The following OR2C1 variants were observed in gnomAD, a reference collection of about 807,000 sequenced individuals.
The protein encoded by OR2C1 is olfactory receptor 2C1.
For synonymous variants in OR2C1, 209 were observed against 167.3 expected (o/e 1.25, Z -1.92); for missense variants, 468 against 388.3 (o/e 1.21, Z -1.73).
chr16:3,327,130 A>T, the OR2C1 span, among the ~76,000 whole-genome samples: 3 of 152,160 alleles, frequency 2.0e-5, no homozygotes, highest in Non-Finnish European at 1.5e-5. Flanking sequence ...TTTCTTATGG[A>T]AGTTATCAAA....
At chr16:3,328,437 G>A in the OR2C1 span, among the ~76,000 whole-genome samples, 1 of 152,160 alleles carries the variant, frequency 6.6e-6, no homozygotes, top group African/African-American at 2.4e-5. Context: ...AAAACTTTTT[G>A]AGAATTATGT....
the OR2C1 span, among the ~76,000 whole-genome samples, chr16:3,332,369 T>C: frequency 2.0e-5 from 3 of 152,146 alleles, no homozygotes; most frequent in East Asian, 5.8e-4. Context: ...GCGCTGGGAT[T>C]ACAGACGTTC....
chr16:3,345,868 T>C, the OR2C1 span, among the ~76,000 whole-genome samples: 3 of 106,140 alleles, frequency 2.8e-5, no homozygotes, highest in African/African-American at 1.1e-4. Flanking sequence ...CCCTCTCTCT[T>C]TCGCTTTCAG....
chr16:3,356,427 A>C lies in OR2C1; in HGVS notation c.487A>C (p.Thr163Pro), dbSNP rs2030677155. Residue 163 changes from threonine (T) to proline (P), a missense_variant, in exon 1 of 1, where the codon ACT (threonine) becomes CCT (proline). By Grantham distance (38) the Thr-to-Pro change is conservative. Coordinates refer to ENST00000304936, the MANE Select transcript of OR2C1 (RefSeq NM_012368.3). ...CAACTCTGTGATCCAGTCAACATTC[A>C]CTCTGCAGCTCCCATTGTGTGGGCA... ...LGNSVIQSTF[T>P]LQLPLCGHRR... 1 of 1,613,498 alleles carries C rather than the reference A, an allele frequency of 6.2e-7. No homozygotes were observed. The highest frequency in any genetic ancestry group is 2.2e-5 in the East Asian group (1 of 44,878).
At chr16:3,346,824 G>A in the OR2C1 span, among the ~76,000 whole-genome samples, 2 of 151,092 alleles carry the variant, frequency 1.3e-5, no homozygotes, top group South Asian at 2.1e-4. Flanking sequence ...TAGAGACAAG[G>A]TTTCATCATG....
the OR2C1 span, among the ~76,000 whole-genome samples, chr16:3,327,814 A>G: frequency 4.6e-5 from 7 of 152,228 alleles, no homozygotes; most frequent in East Asian, 1.4e-3. Context: ...TGCCCTCAGA[A>G]GAGTTTCTCA....
At chr16:3,335,200 C>G in the OR2C1 span, among the ~76,000 whole-genome samples, 90 of 152,214 alleles carry the variant, frequency 5.9e-4, 1 homozygote, top group Middle Eastern at 3.4e-3. Context: ...ATTTTCTTTT[C>G]TTATTTCTGT....
chr16:3,324,404 G>T, the OR2C1 span, among the ~76,000 whole-genome samples: 1 of 152,116 alleles, frequency 6.6e-6, no homozygotes. Flanking sequence ...TTCCCAGGCT[G>T]GTCTCGAACT....
chr16:3,324,095 G>T, the OR2C1 span, among the ~76,000 whole-genome samples: 1 of 152,120 alleles, frequency 6.6e-6, no homozygotes, highest in Admixed American at 6.5e-5. Flanking sequence ...TGTTCACAAA[G>T]ACAAAATTAA....
At chr16:3,325,460 AATATATATATAT>A in the OR2C1 span, among the ~76,000 whole-genome samples, 715 of 93,128 alleles carry the variant, frequency 7.7e-3, 1 homozygote, top group African/African-American at 0.021. Flanking sequence ...TATGTCTAAA[AATATATATATAT>A]ATATATATAT....
the OR2C1 span, among the ~76,000 whole-genome samples, chr16:3,333,202 C>G: frequency 1.6e-3 from 37 of 22,612 alleles, no homozygotes; most frequent in Non-Finnish European, 3.5e-3. Flanking sequence ...GTATTCGGAT[C>G]TTTTGCCCAT....
chr16:3,329,496 C>T, the OR2C1 span, among the ~76,000 whole-genome samples: 1 of 152,102 alleles, frequency 6.6e-6, no homozygotes, highest in South Asian at 2.1e-4. Context: ...GTCGCCCAGG[C>T]TGGAGTGCAG....
At chr16:3,354,684 A>T (rs1308644373), upstream of OR2C1, among the ~76,000 whole-genome samples, 1 of 152,242 alleles carries the variant, frequency 6.6e-6, no homozygotes, top group African/African-American at 2.4e-5. Context: ...GAGGAAATTT[A>T]ACAGAAAATT....
the OR2C1 span, among the ~76,000 whole-genome samples, chr16:3,330,176 G>A: frequency 3.3e-5 from 5 of 150,434 alleles, no homozygotes; most frequent in South Asian, 2.1e-4. Context: ...GTGAGATCTC[G>A]GCCCACTGCA....
chr16:3,351,217 TTTCTTTTTC>T (rs1374621823), upstream of OR2C1, among the ~76,000 whole-genome samples: 1 of 8,246 alleles, frequency 1.2e-4, no homozygotes. Context: ...TTTTTTTCTT[TTTCTTTTTC>T]TTTTTTTTTT....
At chr16:3,339,476 A>G in the OR2C1 span, among the ~76,000 whole-genome samples, 15 of 151,966 alleles carry the variant, frequency 9.9e-5, no homozygotes, top group African/African-American at 3.1e-4. Context: ...TTTGTTTTTG[A>G]GATGGAGTCT....
the OR2C1 span, among the ~76,000 whole-genome samples, chr16:3,325,465 ATATATATATATATATAT>A: frequency 1.4e-4 from 1 of 7,394 alleles, no homozygotes; most frequent in African/African-American, 5.0e-4. Context: ...CTAAAAATAT[ATATATATATATATATAT>A]ATATATATAT....
At position 3,357,133 on chromosome 16, in the gene OR2C1, T is replaced by C. The variant is rs2030694906; in HGVS notation, c.*254T>C. The C allele has an allele frequency of 2.3e-6, 1 of 443,946 alleles. No individual in the cohort carries two copies. Among genetic ancestry groups the C allele is most frequent in the Non-Finnish European group, 4.2e-6 (1 of 239,038 alleles). The allele number at this position is 443,946 out of a possible 1,614,324, so 27.5% of individuals were successfully genotyped here. A position where few individuals can be genotyped will look rare whatever the true frequency, so the allele number is the denominator to read the frequency against. Reference sequence around the variant, plus strand: ...CATGTTGTTGAGGGCTCAGAGGTTATTGACCTGTGACAGACCTGTCTCACT... The same window carrying C: ...CATGTTGTTGAGGGCTCAGAGGTTACTGACCTGTGACAGACCTGTCTCACT... On this transcript the variant is annotated 3_prime_UTR_variant, in exon 1 of 1. Transcript: ENST00000304936.
At chr16:3,339,049 G>A in the OR2C1 span, among the ~76,000 whole-genome samples, 6 of 151,988 alleles carry the variant, frequency 3.9e-5, no homozygotes, top group Non-Finnish European at 8.8e-5. Context: ...ACCACAAATC[G>A]GCCTTTTGGT....
Sources: allele counts gnomAD v4.1 joint callset (sites outside exome capture counted in the v4.1 genomes callset), GRCh38; gene constraint gnomAD v4.1.1; transcripts MANE v1.5; gene names NCBI Gene and HGNC (gene_info 2026-07-23, HGNC 2026-07-21).